The following NELL1 variants were observed in gnomAD, a reference collection of about 807,000 sequenced individuals.
NELL1 encodes neural EGFL like 1, also known as protein kinase C-binding protein NELL1.
A neutral mutation model predicts 107.4 loss-of-function variants in NELL1; 76 were observed. The ratio of observed to expected loss-of-function variants is 0.71; its 90% CI spans 0.59 to 0.86. The LOEUF is 0.86. Ranked by LOEUF, NELL1 falls within the 40% of genes least tolerant of loss-of-function variation. The pLI is 0.00. For synonymous variants in NELL1, 353 were observed against 341.2 expected, an observed-to-expected ratio of 1.03 and a Z score of -0.38; for missense variants, 1,024 against 1,005.5, an observed-to-expected ratio of 1.02 and a Z score of -0.25.
intron 13 of NELL1, among the ~76,000 whole-genome samples, chr11:21,197,202 C>CT (rs143247393): frequency 0.16 from 22,464 of 144,878 alleles, 3,262 homozygotes; most frequent in East Asian, 0.38. Context: ...TTAAGCCAGT[C>CT]TTTTTTTTTT....
intron 5 of NELL1, among the ~76,000 whole-genome samples, chr11:20,904,493 CAT>C (rs1366192988): frequency 4.6e-5 from 7 of 152,050 alleles, no homozygotes; most frequent in African/African-American, 1.7e-4. Flanking sequence ...ATGGTTGAGA[CAT>C]ATAGTAGATC....
chr11:21,272,251 T>C (rs1024357111), intron 14 of NELL1, among the ~76,000 whole-genome samples: 15 of 152,160 alleles, frequency 9.9e-5, no homozygotes, highest in Admixed American at 9.2e-4. Flanking sequence ...CACCAGGAGA[T>C]TATATCCCAC....
chr11:21,417,390 A>G (rs1183364976), intron 15 of NELL1, among the ~76,000 whole-genome samples: 1 of 151,352 alleles, frequency 6.6e-6, no homozygotes, highest in African/African-American at 2.4e-5. Flanking sequence ...AAAGTTGTTT[A>G]TATTTTTCAT....
intron 14 of NELL1, among the ~76,000 whole-genome samples, chr11:21,252,190 G>A (rs1392731663): frequency 6.6e-6 from 1 of 152,156 alleles, no homozygotes; most frequent in African/African-American, 2.4e-5. Context: ...TCGAACTCAG[G>A]TCTGACTTCA....
chr11:21,368,337 T>C (rs1376747451), intron 14 of NELL1, among the ~76,000 whole-genome samples: 1 of 146,532 alleles, frequency 6.8e-6, no homozygotes, highest in Admixed American at 6.9e-5. Context: ...TAATGCGACA[T>C]GTGCAATTTA....
chr11:21,408,490 G>T (rs986147431), intron 15 of NELL1, among the ~76,000 whole-genome samples: 4 of 152,072 alleles, frequency 2.6e-5, no homozygotes, highest in African/African-American at 9.7e-5. Context: ...TCTACTTACA[G>T]ACATATAGAT....
chr11:21,368,484 G>C (rs749833161), intron 14 of NELL1, among the ~76,000 whole-genome samples: 1 of 151,876 alleles, frequency 6.6e-6, no homozygotes, highest in African/African-American at 2.4e-5. Flanking sequence ...AAACAAGGAA[G>C]GGGTAAGATT....
At chr11:21,260,236 G>A (rs1858871413) in intron 14 of NELL1, 3 of 151,754 alleles carry the variant, frequency 2.0e-5, no homozygotes, top group South Asian at 4.2e-4. Context: ...GGCTCATTGT[G>A]GACATGTTAA....
chr11:20,942,451 G>A (rs574900345), intron 10 of NELL1, among the ~76,000 whole-genome samples: 72 of 152,244 alleles, frequency 4.7e-4, no homozygotes, highest in African/African-American at 1.7e-3. Flanking sequence ...TGACTGACAA[G>A]GAGGCTCCCA....
chr11:20,908,759 AAC>A (rs1238918842), intron 5 of NELL1, among the ~76,000 whole-genome samples: 1 of 152,224 alleles, frequency 6.6e-6, no homozygotes, highest in Admixed American at 6.5e-5. Context: ...TGCTGTGGAA[AAC>A]AGTTTGTTGG....
At chr11:21,025,186 A>T (rs1304067398) in intron 12 of NELL1, among the ~76,000 whole-genome samples, 1 of 152,066 alleles carries the variant, frequency 6.6e-6, no homozygotes, top group Admixed American at 6.6e-5. Context: ...TGCATCCATT[A>T]CAGGTGCTCA....
intron 2 of NELL1, among the ~76,000 whole-genome samples, chr11:20,679,047 G>A (rs555130794): frequency 6.6e-6 from 1 of 152,338 alleles, no homozygotes; most frequent in East Asian, 1.9e-4. Flanking sequence ...CGGAAGGGTG[G>A]TGAATGTCTA....
At chr11:20,810,324 G>A (rs1323343798) in intron 3 of NELL1, among the ~76,000 whole-genome samples, 1 of 151,974 alleles carries the variant, frequency 6.6e-6, no homozygotes, top group African/African-American at 2.4e-5. Context: ...CCCATTACCT[G>A]AGCAGTATAC....
chr11:21,053,648 C>T (rs1047824986), intron 12 of NELL1, among the ~76,000 whole-genome samples: 1 of 152,092 alleles, frequency 6.6e-6, no homozygotes, highest in Non-Finnish European at 1.5e-5. Flanking sequence ...GGGAAAAAAC[C>T]ATCAGCTTTT....
intron 13 of NELL1, among the ~76,000 whole-genome samples, chr11:21,217,514 T>C (rs1481443964): frequency 6.6e-6 from 1 of 152,168 alleles, no homozygotes; most frequent in African/African-American, 2.4e-5. Flanking sequence ...GCAATTCTTT[T>C]GGATGACATA....
At chr11:20,987,476 A>G (rs1014632652) in intron 12 of NELL1, among the ~76,000 whole-genome samples, 26 of 152,328 alleles carry the variant, frequency 1.7e-4, no homozygotes, top group African/African-American at 5.8e-4. Context: ...GAAACTTACA[A>G]TCATGATGGA....
At chr11:21,291,990 G>A (rs368044855) in intron 14 of NELL1, among the ~76,000 whole-genome samples, 48 of 152,200 alleles carry the variant, frequency 3.2e-4, no homozygotes, top group African/African-American at 8.9e-4. Flanking sequence ...GGTAAAAGCC[G>A]GAAGCATTCC....
intron 15 of NELL1, among the ~76,000 whole-genome samples, chr11:21,432,156 C>T (rs779087869): frequency 1.3e-4 from 19 of 150,800 alleles, no homozygotes; most frequent in Non-Finnish European, 2.7e-4. Flanking sequence ...TCCAGGATTC[C>T]TTTTTTTTTC....
intron 5 of NELL1, among the ~76,000 whole-genome samples, chr11:20,911,035 G>T (rs1463248973): frequency 6.6e-6 from 1 of 152,170 alleles, no homozygotes; most frequent in Non-Finnish European, 1.5e-5. Context: ...CACTCTTCCT[G>T]TCTTTTAGGA....
Sources: gnomAD v4.1 joint callset for allele counts (sites outside exome capture counted in the v4.1 genomes callset) on GRCh38, gnomAD v4.1.1 for gene constraint, MANE v1.5 for transcripts, NCBI Gene and HGNC (gene_info 2026-07-23, HGNC 2026-07-21) for gene names.